SUGCT: variants seen among roughly 807,000 people sequenced by gnomAD.
SUGCT encodes succinyl-CoA:glutarate CoA-transferase.
SUGCT carries 41 observed loss-of-function variants against 55.0 expected under a neutral mutation model. The ratio of observed to expected loss-of-function variants is 0.74; its 90% CI spans 0.58 to 0.97. The LOEUF (loss-of-function observed/expected upper bound fraction) is 0.97. Ranked by LOEUF, SUGCT falls within the 50% of genes least tolerant of loss-of-function variation. SUGCT has a pLI of 0.00. For missense variants in SUGCT, 568 were observed against 547.8 expected (o/e 1.04, Z -0.37); for synonymous variants, 187 against 200.4 (o/e 0.93, Z 0.56).
the SUGCT span, among the ~76,000 whole-genome samples, chr7:40,918,478 A>AAAAG: frequency 6.7e-6 from 1 of 149,144 alleles, no homozygotes; most frequent in African/African-American, 2.5e-5. Context: ...AAAAAAAAAA[A>AAAAG]GGTTTGGGGG....
chr7:40,165,564 T>G (rs563106076), intron 1 of SUGCT, among the ~76,000 whole-genome samples: 1 of 152,284 alleles, frequency 6.6e-6, no homozygotes, highest in East Asian at 1.9e-4. Flanking sequence ...TTTCAACAAA[T>G]TACATTACAA....
At chr7:40,174,014 C>G (rs1028173585) in intron 1 of SUGCT, among the ~76,000 whole-genome samples, 1 of 150,884 alleles carries the variant, frequency 6.6e-6, no homozygotes, top group South Asian at 2.1e-4. Flanking sequence ...GATCATGGCT[C>G]ACTGTATTTT....
At chr7:40,687,286 T>C (rs913823512) in intron 12 of SUGCT, among the ~76,000 whole-genome samples, 1 of 152,198 alleles carries the variant, frequency 6.6e-6, no homozygotes, top group Non-Finnish European at 1.5e-5. Flanking sequence ...CTAGCTTCAT[T>C]GGCAGAAGGG....
chr7:40,474,122 C>T (rs1045865777), intron 11 of SUGCT, among the ~76,000 whole-genome samples: 1 of 152,000 alleles, frequency 6.6e-6, no homozygotes, highest in Admixed American at 6.6e-5. Flanking sequence ...CCATGTTATG[C>T]TGAAAAATAT....
At chr7:40,317,076 CAG>C (rs1205793374) in intron 9 of SUGCT, among the ~76,000 whole-genome samples, 1 of 148,404 alleles carries the variant, frequency 6.7e-6, no homozygotes, top group East Asian at 2.0e-4. Context: ...GACCCTTAAA[CAG>C]ATCAAAGGAA....
chr7:40,557,549 G>T (rs1795612912), intron 12 of SUGCT, among the ~76,000 whole-genome samples: 1 of 152,112 alleles, frequency 6.6e-6, no homozygotes, highest in South Asian at 2.1e-4. Context: ...GAGGTGGGCG[G>T]ATCACCTGAA....
At chr7:40,341,836 A>G in intron 9 of SUGCT, among the ~76,000 whole-genome samples, 1 of 152,238 alleles carries the variant, frequency 6.6e-6, no homozygotes, top group African/African-American at 2.4e-5. Flanking sequence ...GGTTCTGAAA[A>G]CAAAAGTACA....
chr7:40,406,589 A>T (rs1786383895), intron 9 of SUGCT, among the ~76,000 whole-genome samples: 1 of 152,098 alleles, frequency 6.6e-6, no homozygotes, highest in South Asian at 2.1e-4. Flanking sequence ...CACTGTCATA[A>T]TTTTTTCAAA....
the SUGCT span, among the ~76,000 whole-genome samples, chr7:41,020,955 A>G: frequency 1.3e-5 from 2 of 152,208 alleles, no homozygotes; most frequent in African/African-American, 4.8e-5. Flanking sequence ...TTTAGGGGCC[A>G]AAGTATGAAT....
intron 12 of SUGCT, among the ~76,000 whole-genome samples, chr7:40,671,765 T>C (rs1221567797): frequency 6.6e-6 from 1 of 152,178 alleles, no homozygotes; most frequent in Non-Finnish European, 1.5e-5. Flanking sequence ...AGGAAAGATG[T>C]CATGTCTCCA....
intron 9 of SUGCT, among the ~76,000 whole-genome samples, chr7:40,398,515 C>CTTTTTTTTTTTTTTTTT (rs138325012): frequency 1.5e-5 from 2 of 130,934 alleles, no homozygotes; most frequent in Non-Finnish European, 1.7e-5. Flanking sequence ...ACTTTACTGG[C>CTTTTTTTTTTTTTTTTT]TTTTTTTTTT....
the SUGCT span, among the ~76,000 whole-genome samples, chr7:41,018,900 A>C: frequency 6.6e-6 from 1 of 151,492 alleles, no homozygotes; most frequent in Non-Finnish European, 1.5e-5. Context: ...TATGATGACT[A>C]ATATATTCTT....
At chr7:40,557,581 T>C (rs927967174) in intron 12 of SUGCT, among the ~76,000 whole-genome samples, 14 of 152,096 alleles carry the variant, frequency 9.2e-5, no homozygotes, top group African/African-American at 3.4e-4. Context: ...GAGACCACCC[T>C]GGCCAACGTA....
At chr7:40,375,474 G>A (rs1185166884) in intron 9 of SUGCT, among the ~76,000 whole-genome samples, 1 of 152,062 alleles carries the variant, frequency 6.6e-6, no homozygotes, top group East Asian at 1.9e-4. Flanking sequence ...TTGAAATTAG[G>A]AGTTTCTCTC....
chr7:40,902,428 A>C, the SUGCT span, among the ~76,000 whole-genome samples: 1 of 151,842 alleles, frequency 6.6e-6, no homozygotes, highest in African/African-American at 2.4e-5. Context: ...AAATACAAAA[A>C]AATTAACCGG....
intron 8 of SUGCT, among the ~76,000 whole-genome samples, chr7:40,285,599 G>A (rs543639169): frequency 2.0e-5 from 3 of 151,970 alleles, no homozygotes; most frequent in South Asian, 2.1e-4. Flanking sequence ...TATGGACCAT[G>A]TCTGTAAACT....
chr7:40,142,195 G>A (rs946703776), intron 1 of SUGCT, among the ~76,000 whole-genome samples: 2 of 152,146 alleles, frequency 1.3e-5, no homozygotes, highest in Admixed American at 6.5e-5. Flanking sequence ...ATGAGTCAGG[G>A]TGGAGCAGGT....
chr7:40,945,237 A>C, the SUGCT span, among the ~76,000 whole-genome samples: 1 of 152,030 alleles, frequency 6.6e-6, no homozygotes, highest in Non-Finnish European at 1.5e-5. Context: ...GGAAGAAGCC[A>C]CCTCAACTCC....
At chr7:40,773,644 G>C (rs191797820) in intron 13 of SUGCT, among the ~76,000 whole-genome samples, 81 of 152,294 alleles carry the variant, frequency 5.3e-4, no homozygotes, top group African/African-American at 1.7e-3. Flanking sequence ...TGCCTGCAGA[G>C]ATACTTTTTT....
Sources: gnomAD v4.1 joint callset for allele counts (sites outside exome capture counted in the v4.1 genomes callset) on GRCh38, gnomAD v4.1.1 for gene constraint, MANE v1.5 for transcripts, NCBI Gene and HGNC (gene_info 2026-07-23, HGNC 2026-07-21) for gene names.